The following AKT3 variants were observed in gnomAD, a reference collection of about 807,000 sequenced individuals.
The protein encoded by AKT3 is RAC-gamma serine/threonine-protein kinase.
A neutral mutation model predicts 65.3 loss-of-function variants in AKT3; 15 were observed. That is an observed-to-expected ratio of 0.23 (90% CI 0.15 to 0.35). The LOEUF (loss-of-function observed/expected upper bound fraction) is 0.35. AKT3 is among the 10% of genes least tolerant of loss of function. The pLI is 1.00. For synonymous variants in AKT3, 206 were observed against 183.8 expected (o/e 1.12, Z -0.98); for missense variants, 243 against 576.5 (o/e 0.42, Z 5.92).
chr1:243,755,651 TATC>T (rs1314929590), intron 2 of AKT3, among the ~76,000 whole-genome samples: 2 of 152,180 alleles, frequency 1.3e-5, no homozygotes, highest in Admixed American at 6.5e-5. Context: ...CTTATAATCT[TATC>T]ATAACAAGCC....
chr1:243,726,654 G>C (rs1687230323), intron 2 of AKT3, among the ~76,000 whole-genome samples: 1 of 152,140 alleles, frequency 6.6e-6, no homozygotes, highest in African/African-American at 2.4e-5. Context: ...CAGTCCCACA[G>C]CCATGAGAGT....
At chr1:243,601,081 C>T (rs1676967485) in intron 8 of AKT3, among the ~76,000 whole-genome samples, 1 of 152,012 alleles carries the variant, frequency 6.6e-6, no homozygotes, top group Admixed American at 6.6e-5. Flanking sequence ...TTACTGAATG[C>T]TAACTATGCA....
intron 6 of AKT3, among the ~76,000 whole-genome samples, chr1:243,636,225 TAAC>T (rs1036663141): frequency 2.0e-5 from 3 of 152,114 alleles, no homozygotes; most frequent in East Asian, 1.9e-4. Flanking sequence ...CAAATATTTA[TAAC>T]AATAGCATAT....
chr1:243,636,171 T>C (rs1679955713), intron 6 of AKT3, among the ~76,000 whole-genome samples: 1 of 152,064 alleles, frequency 6.6e-6, no homozygotes, highest in Admixed American at 6.6e-5. Context: ...CAGTAGGTAG[T>C]AATAATACAC....
At chr1:243,629,589 G>A (rs928136739) in intron 6 of AKT3, among the ~76,000 whole-genome samples, 3 of 152,050 alleles carry the variant, frequency 2.0e-5, no homozygotes, top group Admixed American at 6.5e-5. Flanking sequence ...TCAGGAGACC[G>A]AGACCATCCT....
intron 2 of AKT3, among the ~76,000 whole-genome samples, chr1:243,789,214 C>A (rs906799824): frequency 5.3e-5 from 8 of 152,124 alleles, no homozygotes; most frequent in Non-Finnish European, 7.3e-5. Flanking sequence ...CCTGTCTGTA[C>A]AAAAGATAAT....
At chr1:243,792,347 C>T (rs1442838838) in intron 2 of AKT3, among the ~76,000 whole-genome samples, 1 of 151,994 alleles carries the variant, frequency 6.6e-6, no homozygotes, top group African/African-American at 2.4e-5. Flanking sequence ...ATCATGTGCC[C>T]GACATTATAG....
intron 12 of AKT3, among the ~76,000 whole-genome samples, chr1:243,525,175 G>C (rs1187686461): frequency 6.6e-6 from 1 of 152,150 alleles, no homozygotes; most frequent in Middle Eastern, 3.2e-3. Flanking sequence ...AAGCCTCCTA[G>C]TGAAGTCTAA....
At chr1:243,682,375 T>G (rs1423344348) in intron 3 of AKT3, among the ~76,000 whole-genome samples, 1 of 152,172 alleles carries the variant, frequency 6.6e-6, no homozygotes, top group African/African-American at 2.4e-5. Flanking sequence ...TTATAACCTT[T>G]TTAGCTTAAA....
At chr1:243,521,296 A>C (rs964198617) in intron 12 of AKT3, among the ~76,000 whole-genome samples, 9 of 152,176 alleles carry the variant, frequency 5.9e-5, no homozygotes, top group African/African-American at 2.2e-4. Context: ...GCATGTTTAG[A>C]TTTCCCAGAG....
At chr1:243,514,411 G>A (rs2148368737) in intron 12 of AKT3, among the ~76,000 whole-genome samples, 1 of 152,274 alleles carries the variant, frequency 6.6e-6, no homozygotes, top group Non-Finnish European at 1.5e-5. Flanking sequence ...AATGCCACGT[G>A]TACTGAGGAC....
At chr1:243,491,963 G>C (rs1666530580) in intron 13 of AKT3, among the ~76,000 whole-genome samples, 1 of 152,118 alleles carries the variant, frequency 6.6e-6, no homozygotes, top group Admixed American at 6.6e-5. Context: ...GAAGAGAATG[G>C]GTCGGGCAAT....
chr1:243,803,674 ACACAC>A (rs1692524899), intron 2 of AKT3, among the ~76,000 whole-genome samples: 3 of 151,488 alleles, frequency 2.0e-5, no homozygotes, highest in African/African-American at 2.4e-5. Context: ...ACACACACAC[ACACAC>A]ACACACACAC....
intron 10 of AKT3, among the ~76,000 whole-genome samples, chr1:243,561,417 T>G (rs941938252): frequency 2.6e-5 from 4 of 152,128 alleles, no homozygotes; most frequent in African/African-American, 7.2e-5. Context: ...CGTATGTAGT[T>G]TAAAAAGTAA....
chr1:243,586,661 T>C (rs1200438794), intron 8 of AKT3, among the ~76,000 whole-genome samples: 1 of 152,018 alleles, frequency 6.6e-6, no homozygotes, highest in Non-Finnish European at 1.5e-5. Flanking sequence ...TGCTTATAAG[T>C]AGGAGCTAAT....
chr1:243,514,829 AAAAAAACAAAC>A (rs752581228), intron 12 of AKT3, among the ~76,000 whole-genome samples: 9 of 152,226 alleles, frequency 5.9e-5, no homozygotes, highest in Non-Finnish European at 1.3e-4. Context: ...AAACCCTCTC[AAAAAAACAAAC>A]AAAAAACATG....
intron 3 of AKT3, among the ~76,000 whole-genome samples, chr1:243,678,682 T>C (rs1269263589): frequency 6.6e-6 from 1 of 152,216 alleles, no homozygotes; most frequent in Admixed American, 6.5e-5. Context: ...AAATCACTTA[T>C]TCAAAATCAT....
At chr1:243,497,629 C>T (rs1033655119), downstream of AKT3, among the ~76,000 whole-genome samples, 1 of 152,176 alleles carries the variant, frequency 6.6e-6, no homozygotes, top group African/African-American at 2.4e-5. Flanking sequence ...GTAGACTCAT[C>T]ATGAGAAATG....
intron 3 of AKT3, among the ~76,000 whole-genome samples, chr1:243,683,414 C>T (rs1684061541): frequency 6.6e-6 from 1 of 152,052 alleles, no homozygotes; most frequent in South Asian, 2.1e-4. Flanking sequence ...ATTTTGATGA[C>T]TCCTATGTTT....
Sources: allele counts gnomAD v4.1 joint callset (sites outside exome capture counted in the v4.1 genomes callset), GRCh38; gene constraint gnomAD v4.1.1; transcripts MANE v1.5; gene names NCBI Gene and HGNC (gene_info 2026-07-23, HGNC 2026-07-21).